Variants in MALRD1 observed in about 807,000 individuals in gnomAD.
The protein encoded by MALRD1 is MAM and LDL receptor class A domain containing 1, also known as MAM and LDL-receptor class A domain-containing protein 1.
Under a neutral mutation model 242.1 loss-of-function variants are expected in MALRD1, and 247 were observed. The observed-to-expected ratio is 1.02, with a 90% CI of 0.92 to 1.13. MALRD1 has a LOEUF of 1.13. Among genes scored for constraint, MALRD1 ranks in the 50% most tolerant of loss-of-function variants. The pLI is 0.00. For missense variants in MALRD1, 2,989 were observed against 2,533.1 expected, an observed-to-expected ratio of 1.18 and a Z score of -3.86; for synonymous variants, 995 against 866.6, an observed-to-expected ratio of 1.15 and a Z score of -2.60.
chr10:19,255,886 C>T (rs966765960), intron 18 of MALRD1, among the ~76,000 whole-genome samples: 1 of 151,884 alleles, frequency 6.6e-6, no homozygotes, highest in African/African-American at 2.4e-5. Context: ...CTGTTATGGC[C>T]CTCTCTGGGT....
chr10:19,516,731 T>A (rs1344419995), intron 31 of MALRD1, among the ~76,000 whole-genome samples: 1 of 127,046 alleles, frequency 7.9e-6, no homozygotes, highest in African/African-American at 3.3e-5. Flanking sequence ...CCTCCCTCCC[T>A]CTTCCTTCTT....
chr10:19,447,304 C>T (rs1381869062), intron 28 of MALRD1, among the ~76,000 whole-genome samples: 1 of 152,124 alleles, frequency 6.6e-6, no homozygotes, highest in African/African-American at 2.4e-5. Flanking sequence ...AATAAACCTC[C>T]ATTCCACATT....
At chr10:19,420,443 T>A (rs1401273800) in intron 28 of MALRD1, among the ~76,000 whole-genome samples, 1 of 151,494 alleles carries the variant, frequency 6.6e-6, no homozygotes, top group Non-Finnish European at 1.5e-5. Context: ...ACAAAAGTTA[T>A]CTTCATAAGG....
chr10:19,529,583 T>G (rs1375133361), intron 31 of MALRD1, among the ~76,000 whole-genome samples: 3 of 148,346 alleles, frequency 2.0e-5, no homozygotes, highest in Non-Finnish European at 4.4e-5. Context: ...GATATTAGAG[T>G]ATTGAATACA....
intron 21 of MALRD1, among the ~76,000 whole-genome samples, chr10:19,311,871 G>A (rs1409139906): frequency 6.6e-6 from 1 of 151,390 alleles, no homozygotes; most frequent in Admixed American, 6.6e-5. Context: ...TTCCAGTTGT[G>A]ACATTTTGTA....
At chr10:19,598,312 A>T (rs1447430330) in intron 34 of MALRD1, 1 of 152,136 alleles carries the variant, frequency 6.6e-6, no homozygotes, top group East Asian at 1.9e-4. Flanking sequence ...AACATGTAGT[A>T]GGGCACCAGA....
intron 28 of MALRD1, among the ~76,000 whole-genome samples, chr10:19,422,426 A>G (rs1833748892): frequency 6.6e-6 from 1 of 152,212 alleles, no homozygotes; most frequent in South Asian, 2.1e-4. Flanking sequence ...GAAGACTTAC[A>G]ACATTTGCAT....
chr10:19,455,771 A>AT (rs1185098059), intron 29 of MALRD1, among the ~76,000 whole-genome samples: 1 of 152,190 alleles, frequency 6.6e-6, no homozygotes, highest in African/African-American at 2.4e-5. Context: ...ACAAACATGG[A>AT]TTTTCTAGTC....
intron 29 of MALRD1, among the ~76,000 whole-genome samples, chr10:19,474,003 G>GT (rs1254925884): frequency 3.3e-5 from 5 of 151,730 alleles, no homozygotes; most frequent in African/African-American, 9.7e-5. Flanking sequence ...GTTTTGTTTT[G>GT]TTTTTTTCGT....
chr10:19,401,021 T>TA (rs1467985202), intron 28 of MALRD1, among the ~76,000 whole-genome samples: 18 of 150,468 alleles, frequency 1.2e-4, no homozygotes, highest in African/African-American at 2.9e-4. Flanking sequence ...GTCTCAGAAA[T>TA]AAAAAAATAA....
At chr10:19,311,935 T>C (rs1842443942) in intron 21 of MALRD1, among the ~76,000 whole-genome samples, 1 of 151,482 alleles carries the variant, frequency 6.6e-6, no homozygotes, top group Non-Finnish European at 1.5e-5. Context: ...GTGATATTTG[T>C]TTACCTTCTG....
intron 27 of MALRD1, 74 bp from the exon 28 acceptor site, chr10:19,389,378 A>T: frequency 6.9e-7 from 1 of 1,442,158 alleles, no homozygotes; most frequent in Non-Finnish European, 9.5e-7. Flanking sequence ...TAAAGACCCT[A>T]ACTATGATGG....
chr10:19,249,551 C>T (rs988283028), intron 18 of MALRD1, among the ~76,000 whole-genome samples: 1 of 151,922 alleles, frequency 6.6e-6, no homozygotes, highest in Non-Finnish European at 1.5e-5. Context: ...GTGCTAGTTA[C>T]TGTGCTGGAT....
intron 34 of MALRD1, among the ~76,000 whole-genome samples, chr10:19,597,634 G>A (rs1332079569): frequency 6.6e-6 from 1 of 152,160 alleles, no homozygotes; most frequent in Non-Finnish European, 1.5e-5. Context: ...CACATATTAT[G>A]TTACACATTG....
chr10:19,052,259 A>G (rs1834530558), intron 1 of MALRD1: 1 of 213,620 alleles, frequency 4.7e-6, no homozygotes, highest in Admixed American at 5.8e-5. Context: ...TTCATTTTCC[A>G]CAGTAGTAAA....
At chr10:19,312,378 G>GTATATATATATATATATA (rs112120220) in intron 21 of MALRD1, among the ~76,000 whole-genome samples, 21 of 137,540 alleles carry the variant, frequency 1.5e-4, no homozygotes, top group African/African-American at 5.5e-4. Context: ...AGAGGAATGT[G>GTATATATATATATATATA]TATATATATA....
chr10:19,573,171 A>G (rs570595543), intron 33 of MALRD1, among the ~76,000 whole-genome samples: 160 of 152,284 alleles, frequency 1.1e-3, no homozygotes, highest in African/African-American at 3.8e-3. Context: ...CAGTGGGCAG[A>G]TGACATGGAC....
intron 14 of MALRD1, among the ~76,000 whole-genome samples, chr10:19,178,990 A>G: frequency 6.6e-6 from 1 of 152,242 alleles, no homozygotes; most frequent in East Asian, 1.9e-4. Context: ...AACAAACCAG[A>G]TTCGCTTTAA....
chr10:19,059,966 T>C (rs566294326), intron 1 of MALRD1, among the ~76,000 whole-genome samples: 1 of 152,216 alleles, frequency 6.6e-6, no homozygotes, highest in African/African-American at 2.4e-5. Flanking sequence ...AAGTAATTTG[T>C]CAAAGTTATA....
Sources: allele counts gnomAD v4.1 joint callset (sites outside exome capture counted in the v4.1 genomes callset), GRCh38; gene constraint gnomAD v4.1.1; transcripts MANE v1.5; gene names NCBI Gene and HGNC (gene_info 2026-07-23, HGNC 2026-07-21).